Variants in ATP9B observed in about 807,000 individuals in gnomAD.
ATP9B encodes ATPase phospholipid transporting 9B.
A neutral mutation model predicts 146.1 loss-of-function variants in ATP9B; 110 were observed. The ratio of observed to expected loss-of-function variants is 0.75; its 90% CI spans 0.65 to 0.88. The LOEUF (loss-of-function observed/expected upper bound fraction) is 0.88. Among genes scored for constraint, ATP9B ranks in the 40% least tolerant of loss-of-function variants. The pLI is 0.00. For missense variants in ATP9B, 1,499 were observed against 1,496.4 expected (o/e 1.00, Z -0.03); for synonymous variants, 604 against 569.7 (o/e 1.06, Z -0.86).
intron 4 of ATP9B, 115 bp downstream of exon 4, chr18:79,113,469 G>A: frequency 4.5e-6 from 3 of 659,602 alleles, no homozygotes; most frequent in South Asian, 2.2e-5. Flanking sequence ...GTGTTGTAGT[G>A]TTCACTGAAC....
At chr18:79,340,263 T>C (rs1046533924) in intron 19 of ATP9B, 10 of 152,242 alleles carry the variant, frequency 6.6e-5, no homozygotes. Flanking sequence ...CTAAGTTATA[T>C]GACTTTCTCG....
intron 15 of ATP9B, among the ~76,000 whole-genome samples, chr18:79,313,117 A>T (rs1226591676): frequency 6.6e-6 from 1 of 152,174 alleles, no homozygotes; most frequent in Non-Finnish European, 1.5e-5. Context: ...GATTGTGTTG[A>T]CTGATAGATA....
At chr18:79,282,413 T>G (rs1399156126) in intron 13 of ATP9B, among the ~76,000 whole-genome samples, 1 of 152,140 alleles carries the variant, frequency 6.6e-6, no homozygotes, top group East Asian at 1.9e-4. Context: ...TTGTCTTATT[T>G]AAGGAATTGC....
In ATP9B at chr18:79,071,398, C is replaced by CTTTTTTTTTTTTTTTTTTTTTT. The variant is rs747150962; in HGVS notation, c.119+1869_119+1870insTTTTTTTTTTTTTTTTTTTTTT. 2.4e-3 allele frequency among the ~76,000 whole-genome samples: 53 copies of CTTTTTTTTTTTTTTTTTTTTTT among 22,290 alleles called. 1 individual carries two copies. Among genetic ancestry groups the CTTTTTTTTTTTTTTTTTTTTTT allele is most frequent in the South Asian group, 0.015 (5 of 326 alleles). The allele number at this position is 22,290 out of a possible 152,430, so 14.6% of individuals were successfully genotyped here. On this transcript the variant is annotated intron_variant, in intron 1 of 29. Transcript: ENST00000426216. Reference sequence around the variant, plus strand: ...TATTTCCCCTTTTTCTATTGTTCTTCCTTTTTTTTTTTTTTGAGACAGGGT... The same window carrying CTTTTTTTTTTTTTTTTTTTTTT: ...TATTTCCCCTTTTTCTATTGTTCTTCTTTTTTTTTTTTTTTTTTTTTTCTTTTTTTTTTTTTTGAGACAGGGT...
At position 79,359,216 on chromosome 18, in the gene ATP9B, G is replaced by T. The variant is rs2096972328; in HGVS notation, c.2904-138G>T. 70 of 615,200 alleles carry T rather than the reference G, an allele frequency of 1.1e-4. 1 individual carries two copies. The South Asian group carries it at 1.4e-3, about 12-fold the overall frequency. 38.1% of individuals were successfully genotyped at this position (615,200 alleles called of 1,614,324 possible). On this transcript the variant is annotated intron_variant, in intron 25 of 29. Coordinates refer to ENST00000426216, the MANE Select transcript of ATP9B (RefSeq NM_198531.5). ...CTCAGTCTCCGCAATCATCTTACTT[G>T]GTTGCCAACTTACTTTGTTGGTTTT...
At chr18:79,221,607 G>C (rs1228104002) in intron 11 of ATP9B, among the ~76,000 whole-genome samples, 1 of 152,066 alleles carries the variant, frequency 6.6e-6, no homozygotes, top group Non-Finnish European at 1.5e-5. Context: ...TGTATTCCCA[G>C]CTACGCAAGA....
intron 6 of ATP9B, among the ~76,000 whole-genome samples, chr18:79,149,768 G>A (rs1255707133): frequency 6.6e-6 from 1 of 151,900 alleles, no homozygotes; most frequent in Non-Finnish European, 1.5e-5. Context: ...GAGACATTTT[G>A]ACAAAGATTT....
At chr18:79,332,572 T>C (rs2096797508) in intron 17 of ATP9B, among the ~76,000 whole-genome samples, 2 of 152,206 alleles carry the variant, frequency 1.3e-5, no homozygotes, top group Admixed American at 1.3e-4. Context: ...GGGGTTGGTC[T>C]TGCTCTCTCA....
chr18:79,270,580 T>G (rs1249812626), intron 12 of ATP9B, among the ~76,000 whole-genome samples: 1 of 152,218 alleles, frequency 6.6e-6, no homozygotes, highest in East Asian at 1.9e-4. Flanking sequence ...TTTGATCATT[T>G]AATCTGTACC....
intron 10 of ATP9B, among the ~76,000 whole-genome samples, chr18:79,210,893 A>G (rs978114210): frequency 6.6e-6 from 1 of 152,202 alleles, no homozygotes; most frequent in Non-Finnish European, 1.5e-5. Flanking sequence ...ACACACATGA[A>G]ATACATATTT....
intron 4 of ATP9B, among the ~76,000 whole-genome samples, chr18:79,124,009 A>G (rs557017533): frequency 2.6e-5 from 4 of 152,360 alleles, no homozygotes; most frequent in Non-Finnish European, 5.9e-5. Context: ...GCAGACAGTA[A>G]CAAGTGTTGG....
At chr18:79,245,874 C>T (rs1326679238) in intron 11 of ATP9B, among the ~76,000 whole-genome samples, 3 of 118,902 alleles carry the variant, frequency 2.5e-5, no homozygotes, top group Admixed American at 8.8e-5. Context: ...ACTGTCTGTG[C>T]GGAGGGCACC....
At chr18:79,346,185 G>T (rs1319414786) in intron 23 of ATP9B, among the ~76,000 whole-genome samples, 1 of 149,706 alleles carries the variant, frequency 6.7e-6, no homozygotes, top group Non-Finnish European at 1.5e-5. Flanking sequence ...CACGTGCTCA[G>T]CGCACAGTCA....
chr18:79,319,727 A>G lies in ATP9B; in HGVS notation c.1774-9414A>G, dbSNP rs189561918. On this transcript the variant is annotated intron_variant, in intron 15 of 29. Coordinates refer to ENST00000426216, the MANE Select transcript of ATP9B (RefSeq NM_198531.5). ...CATTTATTGCCAGAATTTAGTTTCT[A>G]GTTCCTCGGGATTAAACTGATTGTA... Among the ~76,000 whole-genome samples the G allele has an allele frequency of 2.8e-3, 432 of 152,352 alleles. 11 individuals carry two copies. The highest frequency in any genetic ancestry group is 0.026 in the Admixed American group (394 of 15,312).
chr18:79,330,156 A>C (rs1377976179), intron 17 of ATP9B, 52 bp downstream of exon 17: 1 of 1,510,228 alleles, frequency 6.6e-7, no homozygotes, highest in Non-Finnish European at 9.2e-7. Flanking sequence ...AAGAGGAGGT[A>C]TGTGAGTGAC....
chr18:79,140,497 A>C (rs1031796148), intron 5 of ATP9B, among the ~76,000 whole-genome samples: 1 of 152,120 alleles, frequency 6.6e-6, no homozygotes, highest in East Asian at 1.9e-4. Context: ...GGTTATGGCC[A>C]GGCACGGTGG....
chr18:79,071,398 C>CTTTTTTTTTTTTTT (rs747150962), intron 1 of ATP9B, among the ~76,000 whole-genome samples: 1,181 of 22,058 alleles, frequency 0.054, 78 homozygotes, highest in Middle Eastern at 0.25. Flanking sequence ...TATTGTTCTT[C>CTTTTTTTTTTTTTT]CTTTTTTTTT....
chr18:79,184,238 T>C (rs879620205), intron 8 of ATP9B, among the ~76,000 whole-genome samples: 4 of 152,246 alleles, frequency 2.6e-5, no homozygotes, highest in Admixed American at 1.3e-4. Flanking sequence ...ATTATAATTA[T>C]TAAAATAGTT....
rs1318534909 is a variant in ATP9B at position 79,239,808 on chromosome 18, A to G, written c.1108-13573A>G. Among the ~76,000 whole-genome samples, 1 of 152,128 alleles carries G rather than the reference A, an allele frequency of 6.6e-6. No individual in the cohort carries two copies. The highest frequency in any genetic ancestry group is 1.5e-5 in the Non-Finnish European group (1 of 68,018). On this transcript the variant is annotated intron_variant, in intron 11 of 29. Transcript: ENST00000426216. This position sits in a 1 kb window ranked among gnomAD's most constrained non-coding sequence, Gnocchi z 5.1. ...CATTGTTTTGTGAGGGCGGTTGATC[A>G]TCAGTTAATTATTACACGGAGGCGT...
Sources: gnomAD v4.1 joint callset for allele counts (sites outside exome capture counted in the v4.1 genomes callset) on GRCh38, gnomAD v4.1.1 for gene constraint, Gnocchi (gnomAD v3.1) non-coding constraint, MANE v1.5 for transcripts, NCBI Gene and HGNC (gene_info 2026-07-23, HGNC 2026-07-21) for gene names.